ERP29: variants seen among roughly 807,000 people sequenced by gnomAD.
ERP29 encodes endoplasmic reticulum resident protein 29.
A neutral mutation model predicts 21.7 loss-of-function variants in ERP29; 14 were observed. That is an observed-to-expected ratio of 0.64 (90% CI 0.43 to 1.01). ERP29 has a LOEUF of 1.01. ERP29 is among the 50% of genes least tolerant of loss of function. The pLI is 0.00. For synonymous variants in ERP29, 129 were observed against 139.1 expected, an observed-to-expected ratio of 0.93 and a Z score of 0.51; for missense variants, 286 against 327.3, an observed-to-expected ratio of 0.87 and a Z score of 0.97.
At chr12:112,014,396 C>T (rs547797231) in intron 1 of ERP29, among the ~76,000 whole-genome samples, 12 of 152,170 alleles carry the variant, frequency 7.9e-5, no homozygotes, top group Non-Finnish European at 1.8e-4. Flanking sequence ...TGATCTGAGG[C>T]GAAACAGGTT....
At chr12:112,020,955 A>T (rs1346640966) in intron 2 of ERP29, among the ~76,000 whole-genome samples, 1 of 152,236 alleles carries the variant, frequency 6.6e-6, no homozygotes, top group Non-Finnish European at 1.5e-5. Flanking sequence ...CTAGGCATCC[A>T]GTACTACCAC....
At chr12:112,017,579 G>A (rs1319347537) in intron 1 of ERP29, among the ~76,000 whole-genome samples, 1 of 152,112 alleles carries the variant, frequency 6.6e-6, no homozygotes, top group Non-Finnish European at 1.5e-5. Context: ...GGGCCAGAGG[G>A]ATGTGATCTT....
intron 1 of ERP29, chr12:112,018,833 A>C (rs1025645402): frequency 6.6e-6 from 1 of 152,264 alleles, no homozygotes; most frequent in African/African-American, 2.4e-5. Context: ...GGCCATAAAA[A>C]GTAACAGTGT....
rs1333056979 is a variant in ERP29, at chr12:112,022,295, C to G, written c.429C>G (p.Arg143=). The G allele has an allele frequency of 1.2e-6, 2 of 1,612,728 alleles. No individual in the cohort carries two copies. Among genetic ancestry groups the G allele is most frequent in the African/African-American group, 2.7e-5 (2 of 74,896 alleles). The change falls in exon 3 of 3, where the codon CGC becomes CGG. Residue 143 remains arginine, a synonymous_variant. Coordinates refer to ENST00000261735, the MANE Select transcript of ERP29 (RefSeq NM_006817.4). ...CAGTTAAGGTTGGAGCCATCCAGCG[C>G]TGGCTGAAGGGGCAAGGGGTCTACC... ...TGAVKVGAIQ[R]WLKGQGVYLG...
At chr12:112,013,842 G>T (rs550128573) in intron 1 of ERP29, among the ~76,000 whole-genome samples, 6 of 152,374 alleles carry the variant, frequency 3.9e-5, no homozygotes, top group African/African-American at 1.4e-4. Context: ...ATTTATACTT[G>T]CATCCACCCT....
chr12:112,022,636 A>T lies in ERP29; in HGVS notation c.770A>T (p.Glu257Val), dbSNP rs1331041379. ...ACTGCCTTCCAGAAGAAGGGGGCCG[A>T]GAAAGAGGAGCTGTAAAAAGGCTGT... ...ILTAFQKKGAEKEEL is the reference protein window; with the variant it reads ...ILTAFQKKGAVKEEL Residue 257 changes from glutamate (E) to valine (V), a missense_variant, in exon 3 of 3, where the codon GAG becomes GTG. Coordinates refer to ENST00000261735, the MANE Select transcript of ERP29 (RefSeq NM_006817.4). The T allele has an allele frequency of 3.7e-6, 6 of 1,609,054 alleles. No homozygotes were observed. The highest frequency in any genetic ancestry group is 5.1e-6 in the Non-Finnish European group (6 of 1,177,488).
Position 112,013,582 on chromosome 12 carries a change from T to C in ERP29, c.117T>C (p.Leu39=). The C allele has an allele frequency of 6.2e-7, 1 of 1,605,832 alleles. No individual in the cohort carries two copies. Among genetic ancestry groups the C allele is most frequent in the Non-Finnish European group, 8.5e-7 (1 of 1,176,688 alleles). Residue 39 remains leucine, a synonymous_variant, in exon 1 of 3, where the codon CTT becomes CTC. Transcript: ENST00000261735. ...GGSGLHTKGA[L]PLDTVTFYKV... ...GCGGCCTGCACACCAAGGGCGCCCT[T>C]CCCCTGGATACGGTCACTTTCTACA... is the stretch of plus-strand genomic sequence containing the variant.
intron 1 of ERP29, among the ~76,000 whole-genome samples, chr12:112,017,201 T>C (rs1763166360): frequency 6.6e-6 from 1 of 152,210 alleles, no homozygotes; most frequent in African/African-American, 2.4e-5. Flanking sequence ...TCAGAACATC[T>C]GCCACATTCC....
chr12:112,022,482 A>C lies in ERP29; in HGVS notation c.616A>C (p.Met206Leu), dbSNP rs765072647. The C allele has an allele frequency of 3.1e-6, 5 of 1,614,108 alleles. No individual in the cohort carries two copies. In the South Asian group the frequency reaches 5.5e-5, roughly 18 times the overall value. ...KKWAEQYLKIMGKILDQGEDF... is the reference protein window; with the variant it reads ...KKWAEQYLKILGKILDQGEDF... ...GTGGGCCGAGCAATACCTGAAGATC[A>C]TGGGGAAGATCTTAGACCAAGGGGA... The change falls in exon 3 of 3, where the codon ATG (methionine) becomes CTG (leucine). Residue 206 changes from methionine to leucine, a missense_variant. Met to Leu is a conservative substitution (Grantham distance 15). Coordinates refer to ENST00000261735, the MANE Select transcript of ERP29 (RefSeq NM_006817.4).
At chr12:112,020,443 G>C (rs2078039031) in intron 2 of ERP29, among the ~76,000 whole-genome samples, 1 of 152,034 alleles carries the variant, frequency 6.6e-6, no homozygotes, top group African/African-American at 2.4e-5. Flanking sequence ...CTCTGCCTGA[G>C]AAGCAAGATG....
chr12:112,018,541 C>T (rs1041418760), intron 1 of ERP29, among the ~76,000 whole-genome samples: 3 of 152,256 alleles, frequency 2.0e-5, no homozygotes. Flanking sequence ...GGCAGTGTTA[C>T]CCTAAGGTGG....
Position 112,022,619 on chromosome 12 carries a change from C to T in ERP29, c.753C>T (p.Phe251=), listed in dbSNP as rs2078057256. 1 of 1,612,110 alleles carries T rather than the reference C, an allele frequency of 6.2e-7. No homozygotes were observed. ...AGAGCTTAAACATCCTGACTGCCTT[C>T]CAGAAGAAGGGGGCCGAGAAAGAGG... ...LQKSLNILTA[F]QKKGAEKEEL is the part of the protein sequence containing the mutation. The change falls in exon 3 of 3, where the codon TTC becomes TTT. Residue 251 remains phenylalanine, a synonymous_variant. Coordinates refer to ENST00000261735, the MANE Select transcript of ERP29 (RefSeq NM_006817.4).
intron 1 of ERP29, chr12:112,019,539 A>G (rs952183817): frequency 1.2e-4 from 71 of 592,186 alleles, no homozygotes; most frequent in Non-Finnish European, 3.4e-5. Context: ...ATCTTTGATT[A>G]GTGTGAACAG....
chr12:112,021,682 C>T (rs1341273083), intron 2 of ERP29, among the ~76,000 whole-genome samples: 1 of 151,794 alleles, frequency 6.6e-6, no homozygotes, highest in African/African-American at 2.4e-5. Context: ...CGCCACCATG[C>T]CCTGCTAATT....
chr12:112,017,633 A>G (rs1448582639), intron 1 of ERP29, among the ~76,000 whole-genome samples: 1 of 152,164 alleles, frequency 6.6e-6, no homozygotes, highest in Non-Finnish European at 1.5e-5. Context: ...CCCAGAGCTC[A>G]GGCTTTTTGG....
At position 112,013,541 on chromosome 12, in the gene ERP29, G is replaced by C. The variant is rs373057753; in HGVS notation, c.76G>C (p.Ala26Pro). Residue 26 changes from alanine (A) to proline (P), a missense_variant, in exon 1 of 3, where the codon GCT (alanine) becomes CCT (proline). Coordinates refer to ENST00000261735, the MANE Select transcript of ERP29 (RefSeq NM_006817.4). ...TCTCCTGGGCTTCCTGCTCCTCTCC[G>C]CTCCGCATGGCGGCAGCGGCCTGCA... ...PLLLGFLLLSAPHGGSGLHTK... is the reference protein window; with the variant it reads ...PLLLGFLLLSPPHGGSGLHTK... 2 of 1,612,460 alleles carry C rather than the reference G, an allele frequency of 1.2e-6. No individual in the cohort carries two copies. The highest frequency in any genetic ancestry group is 8.5e-7 in the Non-Finnish European group (1 of 1,179,386).
chr12:112,020,354 A>G (rs1726600974), intron 2 of ERP29, among the ~76,000 whole-genome samples: 1 of 152,208 alleles, frequency 6.6e-6, no homozygotes, highest in Non-Finnish European at 1.5e-5. Context: ...CCACAGCGAC[A>G]GCTTTAATAG....
chr12:112,016,429 T>C (rs2078012960), intron 1 of ERP29, among the ~76,000 whole-genome samples: 1 of 152,266 alleles, frequency 6.6e-6, no homozygotes, highest in Admixed American at 6.5e-5. Flanking sequence ...TTCCCTGCTG[T>C]GTTCACTTAG....
chr12:112,020,435 C>T (rs2078038963), intron 2 of ERP29, among the ~76,000 whole-genome samples: 1 of 152,122 alleles, frequency 6.6e-6, no homozygotes, highest in African/African-American at 2.4e-5. Context: ...CACTTGAACT[C>T]TGCCTGAGAA....
Sources: gnomAD v4.1 joint callset for allele counts (sites outside exome capture counted in the v4.1 genomes callset) on GRCh38, gnomAD v4.1.1 for gene constraint, MANE v1.5 for transcripts, NCBI Gene and HGNC (gene_info 2026-07-23, HGNC 2026-07-21) for gene names.